Variants in LRMDA observed in about 807,000 individuals in gnomAD.
LRMDA encodes leucine-rich melanocyte differentiation-associated protein.
LRMDA carries 18 observed loss-of-function variants against 29.8 expected under a neutral mutation model. That is an observed-to-expected ratio of 0.60 (90% CI 0.42 to 0.90). LRMDA has a LOEUF of 0.90. LRMDA is among the 40% of genes least tolerant of loss of function. The pLI is 0.00. For missense variants in LRMDA, 273 were observed against 273.9 expected, an observed-to-expected ratio of 1.00 and a Z score of 0.02; for synonymous variants, 125 against 109.4, an observed-to-expected ratio of 1.14 and a Z score of -0.89.
intron 2 of LRMDA, among the ~76,000 whole-genome samples, chr10:75,837,595 A>G (rs1268555169): frequency 6.6e-6 from 1 of 152,216 alleles, no homozygotes. Flanking sequence ...AATTCCAAGT[A>G]ACCAAAAGAG....
At chr10:76,372,101 G>A (rs1841461378) in intron 6 of LRMDA, among the ~76,000 whole-genome samples, 1 of 152,144 alleles carries the variant, frequency 6.6e-6, no homozygotes, top group South Asian at 2.1e-4. Flanking sequence ...CACCTAGTGA[G>A]CAGCTTTAGC....
At chr10:75,958,348 C>T (rs570894081) in intron 2 of LRMDA, among the ~76,000 whole-genome samples, 17 of 152,292 alleles carry the variant, frequency 1.1e-4, no homozygotes, top group African/African-American at 3.8e-4. Flanking sequence ...TTTGGGAATG[C>T]GGTATTCCGG....
chr10:75,640,732 C>G (rs904889062), intron 2 of LRMDA, among the ~76,000 whole-genome samples: 4 of 152,144 alleles, frequency 2.6e-5, no homozygotes, highest in Admixed American at 1.3e-4. Context: ...GCTATAGGCT[C>G]TGTCCTCAGC....
intron 6 of LRMDA, 98 bp from the exon 7 acceptor site, chr10:76,557,111 G>A (rs921671965): frequency 2.1e-6 from 2 of 939,682 alleles, no homozygotes; most frequent in Admixed American, 3.7e-5. Context: ...GCTGCCCATT[G>A]GATCTATGAT....
At chr10:75,774,368 G>A (rs1475356481) in intron 2 of LRMDA, among the ~76,000 whole-genome samples, 2 of 152,068 alleles carry the variant, frequency 1.3e-5, no homozygotes, top group Non-Finnish European at 2.9e-5. Flanking sequence ...TGTGTATAAT[G>A]TTTCAAGAAC....
intron 2 of LRMDA, among the ~76,000 whole-genome samples, chr10:75,759,631 T>C (rs185224344): frequency 1.9e-4 from 29 of 152,314 alleles, no homozygotes; most frequent in Non-Finnish European, 3.1e-4. Context: ...AACATAGCTA[T>C]TACAGTAATG....
rs866650243 is a variant in LRMDA, at chr10:76,272,697, C to A, written c.517-51704C>A. Among the ~76,000 whole-genome samples the A allele has an allele frequency of 3.3e-5, 5 of 152,058 alleles. 1 individual carries two copies. The South Asian group carries it at 6.2e-4, about 19-fold the overall frequency. On this transcript the variant is annotated intron_variant, in intron 5 of 6. Coordinates refer to ENST00000611255, the MANE Select transcript of LRMDA (RefSeq NM_001305581.2). ...TTGTTCTCACACTGCTATAAAGATA[C>A]TACCTGAGTCTGGGTAATTTATAAA...
chr10:76,366,266 A>C (rs964203696), intron 6 of LRMDA, among the ~76,000 whole-genome samples: 1 of 152,158 alleles, frequency 6.6e-6, no homozygotes, highest in Non-Finnish European at 1.5e-5. Context: ...TGTTTTTTCT[A>C]ATTCTGTGAA....
At position 75,645,338 on chromosome 10, in the gene LRMDA, T is replaced by C. The variant is rs78388185; in HGVS notation, c.131+206844T>C. Among the ~76,000 whole-genome samples, 1,394 of 152,274 alleles carry C rather than the reference T, an allele frequency of 9.2e-3. 23 individuals are homozygous for C. Among genetic ancestry groups the C allele is most frequent in the African/African-American group, 0.032 (1,347 of 41,548 alleles). ...ACTGTAGGTGATACTGTCCCCATTGTTATAGATGAGGAAATGGAAGCTCAG... is the reference window on the plus strand; with the variant it reads ...ACTGTAGGTGATACTGTCCCCATTGCTATAGATGAGGAAATGGAAGCTCAG... On this transcript the variant is annotated intron_variant, in intron 2 of 6. Coordinates refer to ENST00000611255, the MANE Select transcript of LRMDA (RefSeq NM_001305581.2).
At chr10:76,393,751 G>A (rs1841750760) in intron 6 of LRMDA, among the ~76,000 whole-genome samples, 1 of 152,036 alleles carries the variant, frequency 6.6e-6, no homozygotes, top group South Asian at 2.1e-4. Flanking sequence ...TAATGACATG[G>A]AGTTTTCCCC....
intron 2 of LRMDA, among the ~76,000 whole-genome samples, chr10:75,559,672 T>C (rs1056148263): frequency 2.5e-4 from 38 of 150,466 alleles, no homozygotes; most frequent in African/African-American, 9.0e-4. Flanking sequence ...TTAGGTCTAA[T>C]GTTTAAGTCT....
At chr10:75,834,081 G>A (rs1844392484) in intron 2 of LRMDA, among the ~76,000 whole-genome samples, 1 of 152,134 alleles carries the variant, frequency 6.6e-6, no homozygotes, top group Non-Finnish European at 1.5e-5. Flanking sequence ...CCTGTTTCTT[G>A]TCTGTAGAAC....
rs143357201 is a variant in LRMDA, at chr10:75,645,069, G to A, written c.131+206575G>A. On this transcript the variant is annotated intron_variant, in intron 2 of 6. Transcript: ENST00000611255. ...ACGATCTCAGCTCACTGCAACCTCC[G>A]CCTCTTGGGCTCAAGCGATTCTCCT... 9.3e-4 allele frequency among the ~76,000 whole-genome samples: 140 copies of A among 150,970 alleles called. 1 individual carries two copies. The highest frequency in any genetic ancestry group is 3.2e-3 in the African/African-American group (132 of 40,888).
At chr10:75,961,252 C>T (rs1480024607) in intron 2 of LRMDA, among the ~76,000 whole-genome samples, 1 of 152,232 alleles carries the variant, frequency 6.6e-6, no homozygotes, top group Non-Finnish European at 1.5e-5. Flanking sequence ...CTACTTTTTA[C>T]ATATAGGGTA....
intron 2 of LRMDA, among the ~76,000 whole-genome samples, chr10:75,923,257 G>T (rs561890351): frequency 1.4e-4 from 22 of 152,290 alleles, no homozygotes; most frequent in Non-Finnish European, 2.8e-4. Context: ...ATTGAAGAGG[G>T]TATAGATGTC....
chr10:75,721,082 G>C lies in LRMDA; in HGVS notation c.131+282588G>C, dbSNP rs371384604. On this transcript the variant is annotated intron_variant, in intron 2 of 6. Coordinates refer to ENST00000611255, the MANE Select transcript of LRMDA (RefSeq NM_001305581.2). Reference sequence around the variant, plus strand: ...TTGACTTTTCAACAAATACATATTTGAAAGCCAGTGGTCTTTTGCATAACC... The same window carrying C: ...TTGACTTTTCAACAAATACATATTTCAAAGCCAGTGGTCTTTTGCATAACC... 6.6e-5 allele frequency among the ~76,000 whole-genome samples: 10 copies of C among 152,320 alleles called. No homozygotes were observed. In the East Asian group the frequency reaches 1.5e-3, roughly 24 times the overall value.
intron 6 of LRMDA, among the ~76,000 whole-genome samples, chr10:76,342,329 A>T (rs1841052036): frequency 6.6e-6 from 1 of 152,176 alleles, no homozygotes; most frequent in African/African-American, 2.4e-5. Context: ...ATAGCTAGAG[A>T]AGTATATTAA....
chr10:76,032,300 A>G (rs1848163123), intron 2 of LRMDA, among the ~76,000 whole-genome samples: 1 of 152,116 alleles, frequency 6.6e-6, no homozygotes, highest in Non-Finnish European at 1.5e-5. Flanking sequence ...TGGCCCCCCC[A>G]TGCCAGCCAC....
chr10:76,253,736 T>G (rs1285453594), intron 5 of LRMDA, among the ~76,000 whole-genome samples: 1 of 152,158 alleles, frequency 6.6e-6, no homozygotes, highest in Non-Finnish European at 1.5e-5. Flanking sequence ...TTTATCTGTA[T>G]TTTTTCAAAT....
Sources: gnomAD v4.1 joint callset for allele counts (sites outside exome capture counted in the v4.1 genomes callset) on GRCh38, gnomAD v4.1.1 for gene constraint, MANE v1.5 for transcripts, NCBI Gene and HGNC (gene_info 2026-07-23, HGNC 2026-07-21) for gene names.